Variants in DAB1 observed in about 807,000 individuals in gnomAD.
DAB1 encodes the protein DAB adaptor protein 1.
A neutral mutation model predicts 64.6 loss-of-function variants in DAB1; 15 were observed. That is an observed-to-expected ratio of 0.23 (90% CI 0.16 to 0.36). The LOEUF (loss-of-function observed/expected upper bound fraction) is 0.36. DAB1 is among the 10% of genes least tolerant of loss of function. DAB1 has a pLI of 1.00. For synonymous variants in DAB1, 235 were observed against 251.9 expected (o/e 0.93, Z 0.64); for missense variants, 596 against 706.7 (o/e 0.84, Z 1.78).
At chr1:57,803,801 T>C (rs1651240015) in intron 6 of DAB1, among the ~76,000 whole-genome samples, 1 of 152,246 alleles carries the variant, frequency 6.6e-6, no homozygotes, top group South Asian at 2.1e-4. Context: ...ACTCTAACTA[T>C]GTGTCACTGA....
At chr1:57,090,852 C>T (rs1570672929) in intron 4 of DAB1, among the ~76,000 whole-genome samples, 2 of 152,112 alleles carry the variant, frequency 1.3e-5, no homozygotes, top group African/African-American at 2.4e-5. Flanking sequence ...TGAGCAGTAC[C>T]GCCTGAGCTC....
intron 1 of DAB1, among the ~76,000 whole-genome samples, chr1:57,363,846 A>T (rs1214732446): frequency 6.6e-6 from 1 of 152,202 alleles, no homozygotes; most frequent in Non-Finnish European, 1.5e-5. Context: ...CCACTGCACC[A>T]GCTGCTCAGA....
At chr1:58,022,929 G>T (rs1325453) in intron 5 of DAB1, among the ~76,000 whole-genome samples, 80,599 of 151,836 alleles carry the variant, frequency 0.53, 21,869 homozygotes, top group East Asian at 0.84. Context: ...TCTTATTTTT[G>T]AATCCCTAAG....
intron 5 of DAB1, among the ~76,000 whole-genome samples, chr1:57,982,468 C>T (rs369542294): frequency 3.3e-5 from 5 of 152,238 alleles, no homozygotes; most frequent in Middle Eastern, 3.4e-3. Context: ...AGGTATCTGA[C>T]GTTGTGTCTG....
At chr1:57,646,568 C>A (rs1038507937) in intron 7 of DAB1, among the ~76,000 whole-genome samples, 1 of 152,052 alleles carries the variant, frequency 6.6e-6, no homozygotes, top group Non-Finnish European at 1.5e-5. Flanking sequence ...AGCCACATAG[C>A]AAGATCCTAT....
chr1:58,371,311 T>C (rs1347390283), intron 3 of DAB1, among the ~76,000 whole-genome samples: 1 of 152,104 alleles, frequency 6.6e-6, no homozygotes, highest in Non-Finnish European at 1.5e-5. Context: ...ACTTTGAACT[T>C]GAGAGAGATG....
chr1:58,459,395 T>C (rs1286475848), intron 3 of DAB1, among the ~76,000 whole-genome samples: 1 of 152,182 alleles, frequency 6.6e-6, no homozygotes, highest in Non-Finnish European at 1.5e-5. Context: ...GGCAGGATAA[T>C]CAACTTGCAA....
intron 9 of DAB1, among the ~76,000 whole-genome samples, chr1:57,029,151 T>C (rs2100412528): frequency 6.6e-6 from 1 of 152,304 alleles, no homozygotes; most frequent in East Asian, 1.9e-4. Context: ...CTTGGTGCCC[T>C]GTGTCCCAGC....
At chr1:57,799,904 A>G (rs937111851) in intron 6 of DAB1, among the ~76,000 whole-genome samples, 2 of 152,184 alleles carry the variant, frequency 1.3e-5, no homozygotes, top group Non-Finnish European at 2.9e-5. Flanking sequence ...TGACAACAGA[A>G]ACCATGGGGC....
At chr1:57,343,926 G>A (rs947725928) in intron 1 of DAB1, among the ~76,000 whole-genome samples, 2 of 152,282 alleles carry the variant, frequency 1.3e-5, no homozygotes, top group Middle Eastern at 3.2e-3. Flanking sequence ...GAGGCGCCCA[G>A]AGCGAGCAAG....
At chr1:57,910,351 C>A (rs1644623514) in intron 5 of DAB1, among the ~76,000 whole-genome samples, 1 of 152,202 alleles carries the variant, frequency 6.6e-6, no homozygotes, top group Non-Finnish European at 1.5e-5. Context: ...AGAATTGATT[C>A]TTCCACCCTC....
chr1:57,633,402 G>A (rs1558559888), intron 7 of DAB1, among the ~76,000 whole-genome samples: 1 of 152,206 alleles, frequency 6.6e-6, no homozygotes, highest in Non-Finnish European at 1.5e-5. Flanking sequence ...TGGTGATGCT[G>A]ATGCTGCTGA....
chr1:57,310,240 G>T (rs561054105), intron 1 of DAB1, among the ~76,000 whole-genome samples: 6 of 152,290 alleles, frequency 3.9e-5, no homozygotes, highest in African/African-American at 1.4e-4. Flanking sequence ...TGAGTAGTTA[G>T]CAAAGGCCAT....
intron 4 of DAB1, among the ~76,000 whole-genome samples, chr1:58,296,195 G>GGAA (rs1553173590): frequency 2.1e-5 from 2 of 93,508 alleles, no homozygotes; most frequent in Admixed American, 1.2e-4. Flanking sequence ...GAGAAAGAAA[G>GGAA]AGAAAGAAAG....
At chr1:58,120,454 C>T (rs1652669743) in intron 5 of DAB1, among the ~76,000 whole-genome samples, 1 of 152,224 alleles carries the variant, frequency 6.6e-6, no homozygotes, top group Non-Finnish European at 1.5e-5. Context: ...TTATAAAAAG[C>T]TTATTACCCC....
intron 6 of DAB1, among the ~76,000 whole-genome samples, chr1:57,816,329 G>A (rs954269635): frequency 6.6e-6 from 1 of 152,180 alleles, no homozygotes; most frequent in Non-Finnish European, 1.5e-5. Flanking sequence ...TCTTGCAGGT[G>A]CACCTCAACA....
intron 4 of DAB1, among the ~76,000 whole-genome samples, chr1:58,163,642 C>A (rs1655665811): frequency 6.6e-6 from 1 of 152,260 alleles, no homozygotes; most frequent in South Asian, 2.1e-4. Context: ...GCAGGATGAG[C>A]CTAAAGACCA....
At chr1:58,313,850 T>TGAGA (rs1167079237) in intron 4 of DAB1, among the ~76,000 whole-genome samples, 10 of 145,290 alleles carry the variant, frequency 6.9e-5, no homozygotes, top group African/African-American at 2.6e-4. Flanking sequence ...TGTGTGTGTG[T>TGAGA]GTGTGTGAGA....
At position 57,789,445 on chromosome 1, in the gene DAB1, C is replaced by T. The variant is rs934623064; in HGVS notation, n.551+94554G>A. ...GGCTTGAACAACAGAAATCTATTTC[C>T]CACAGTTGTGGAGGCTAGAATTCCT... On this transcript the variant is annotated intron_variant and non_coding_transcript_variant, in intron 6 of 20. Coordinates refer to the DAB1 transcript ENST00000485760. Among the ~76,000 whole-genome samples the T allele has an allele frequency of 9.9e-5, 15 of 152,116 alleles. 1 individual carries two copies. Among genetic ancestry groups the T allele is most frequent in the Non-Finnish European group, 1.8e-4 (12 of 68,018 alleles).
Sources: gnomAD v4.1 joint callset for allele counts (sites outside exome capture counted in the v4.1 genomes callset) on GRCh38, gnomAD v4.1.1 for gene constraint, MANE v1.5 for transcripts, NCBI Gene and HGNC (gene_info 2026-07-23, HGNC 2026-07-21) for gene names.